The following NT5C1B variants were observed in gnomAD, a reference collection of about 807,000 sequenced individuals.
NT5C1B encodes 5'-nucleotidase, cytosolic IB.
NT5C1B carries 44 observed loss-of-function variants against 57.8 expected under a neutral mutation model. The ratio of observed to expected loss-of-function variants is 0.76; its 90% CI spans 0.60 to 0.98. The LOEUF (loss-of-function observed/expected upper bound fraction) is 0.98. Ranked by LOEUF, NT5C1B falls within the 50% of genes least tolerant of loss-of-function variation. The pLI, the probability that NT5C1B is intolerant of heterozygous loss-of-function variation, is 0.00. For synonymous variants in NT5C1B, 284 were observed against 282.6 expected (o/e 1.00, Z -0.05); for missense variants, 742 against 719.5 (o/e 1.03, Z -0.36).
At chr2:18,567,235 C>T (rs1333612129) in intron 8 of NT5C1B, among the ~76,000 whole-genome samples, 1 of 152,180 alleles carries the variant, frequency 6.6e-6, no homozygotes, top group Non-Finnish European at 1.5e-5. Context: ...AAGACTAAAA[C>T]TCCCCCTAGT....
rs180898034 is a variant in NT5C1B, at chr2:18,587,254, C to T, written c.120+249G>A. 5.1e-5 allele frequency: 77 copies of T among 1,514,578 alleles called. 1 individual carries two copies. The South Asian group carries it at 5.2e-4, about 10-fold the overall frequency. 93.8% of individuals were successfully genotyped at this position (1,514,578 alleles called of 1,614,324 possible). On this transcript the variant is annotated intron_variant, in intron 2 of 8. Transcript: ENST00000304081. ...GATTTGAACAAAGACCAGTCTCCCC[C>T]CTGTGTAGGCTGAGCAGAGGAGCCT...
rs1665654337 is a variant in NT5C1B, at chr2:18,576,180, C to T, written c.1329+4G>A. 1 of 1,603,132 alleles carries T rather than the reference C, an allele frequency of 6.2e-7. No homozygotes were observed. The highest frequency in any genetic ancestry group is 1.1e-5 in the South Asian group (1 of 88,150). On this transcript the variant is annotated splice_donor_region_variant and intron_variant, in intron 8 of 8. Transcript: ENST00000304081. ...AAAAATTAATTAGCACTCATTGAAC[C>T]TACCTGAGCAAGAGGCTTACTTTCA...
chr2:18,565,636 A>G (rs1397565586), intron 8 of NT5C1B, among the ~76,000 whole-genome samples: 1 of 152,184 alleles, frequency 6.6e-6, no homozygotes, highest in Non-Finnish European at 1.5e-5. Flanking sequence ...TTTGAAGCCC[A>G]GTAATTTCAC....
chr2:18,563,290 T>C (rs1268710697), exon 9 of NT5C1B: 4 of 152,296 alleles, frequency 2.6e-5, no homozygotes, highest in Non-Finnish European at 2.9e-5. Flanking sequence ...GTTATACTCA[T>C]GCAGGTAGAG....
At chr2:18,564,199 A>G in intron 8 of NT5C1B, 80 bp from the exon 9 acceptor site, 1 of 1,447,256 alleles carries the variant, frequency 6.9e-7, no homozygotes, top group Non-Finnish European at 9.2e-7. Context: ...CCTATATGAT[A>G]CGATACAATA....
chr2:18,582,417 A>G (rs1666259963), intron 6 of NT5C1B, among the ~76,000 whole-genome samples: 1 of 152,216 alleles, frequency 6.6e-6, no homozygotes, highest in South Asian at 2.1e-4. Flanking sequence ...TTCTATGTAA[A>G]TTATTTTATG....
intron 2 of NT5C1B, chr2:18,587,079 G>C: frequency 6.2e-7 from 1 of 1,614,020 alleles, no homozygotes. Flanking sequence ...GCCAAGGGCT[G>C]TTCCCTCAGC....
chr2:18,572,119 T>TACAATAATCAAG, intron 8 of NT5C1B, among the ~76,000 whole-genome samples: 1 of 145,558 alleles, frequency 6.9e-6, no homozygotes, highest in Non-Finnish European at 1.5e-5. Flanking sequence ...ACTATAAAAC[T>TACAATAATCAAG]ACAATAATCA....
chr2:18,574,233 A>AGTAAG (rs1665467372), intron 8 of NT5C1B, among the ~76,000 whole-genome samples: 1 of 152,086 alleles, frequency 6.6e-6, no homozygotes, highest in African/African-American at 2.4e-5. Context: ...TCAACACATT[A>AGTAAG]ATCATCAGAG....
At chr2:18,571,160 G>T (rs879321851) in intron 8 of NT5C1B, among the ~76,000 whole-genome samples, 1 of 152,148 alleles carries the variant, frequency 6.6e-6, no homozygotes, top group Admixed American at 6.5e-5. Flanking sequence ...TCTGAACATT[G>T]TACTGGATGT....
intron 6 of NT5C1B, among the ~76,000 whole-genome samples, chr2:18,578,178 A>G (rs954096841): frequency 4.6e-5 from 7 of 152,176 alleles, no homozygotes; most frequent in African/African-American, 1.2e-4. Flanking sequence ...TCCTCAGCCA[A>G]ATTTTACCAG....
chr2:18,563,993 C>T (rs965387111), exon 9 of NT5C1B: 9 of 1,614,154 alleles, frequency 5.6e-6, no homozygotes, highest in African/African-American at 4.0e-5. Flanking sequence ...AGCACACGGG[C>T]GCCTGAACTG....
At chr2:18,575,225 T>G (rs191483979) in intron 8 of NT5C1B, among the ~76,000 whole-genome samples, 17 of 152,190 alleles carry the variant, frequency 1.1e-4, no homozygotes, top group African/African-American at 3.4e-4. Context: ...AGAATTTTCT[T>G]AATAGTAAGC....
At chr2:18,568,150 G>A (rs1331218022) in intron 8 of NT5C1B, among the ~76,000 whole-genome samples, 2 of 147,472 alleles carry the variant, frequency 1.4e-5, no homozygotes, top group Non-Finnish European at 3.0e-5. Flanking sequence ...CAAACCAAAG[G>A]AAATATAGAC....
At chr2:18,576,413 A>AGTT in intron 7 of NT5C1B, 45 bp from the exon 8 acceptor site, 1 of 1,566,180 alleles carries the variant, frequency 6.4e-7, no homozygotes, top group African/African-American at 1.4e-5. Flanking sequence ...CAGGTCCATG[A>AGTT]GTTATAGTTT....
intron 7 of NT5C1B, 25 bp from the exon 8 acceptor site, chr2:18,576,393 A>G (rs995323021): frequency 5.6e-6 from 9 of 1,600,254 alleles, no homozygotes; most frequent in Non-Finnish European, 7.7e-6. Flanking sequence ...AGACTGATTA[A>G]TACTCTTCTC....
chr2:18,584,604 C>T lies in NT5C1B; in HGVS notation c.633G>A (p.Gln211=). The stretch of plus-strand genomic sequence containing the variant: ...CCTCGTAGTCGTCCTCGTCCTCCCG[C>T]TGCTGCTGCTGCTGCTCGGACAGAG... Residue 211 remains glutamine, a synonymous_variant, in exon 4 of 9, where the codon CAG becomes CAA. Transcript: ENST00000304081. This position sits in a 1 kb window ranked among gnomAD's most constrained non-coding sequence, Gnocchi z 5.8. 1 of 1,594,940 alleles carries T rather than the reference C, an allele frequency of 6.3e-7. No homozygotes were observed. Among genetic ancestry groups the T allele is most frequent in the South Asian group, 1.1e-5 (1 of 88,790 alleles).
chr2:18,564,240 G>T, intron 8 of NT5C1B, 121 bp from the exon 9 acceptor site: 1 of 1,130,554 alleles, frequency 8.8e-7, no homozygotes, highest in Non-Finnish European at 1.2e-6. Flanking sequence ...GACATGCAGT[G>T]TTATGAAGCT....
chr2:18,563,552 A>G (rs1664363433), exon 9 of NT5C1B: 1 of 359,870 alleles, frequency 2.8e-6, no homozygotes, highest in East Asian at 4.3e-5. Context: ...CTAAAGAGTC[A>G]TCATTATGAC....
Sources: allele counts gnomAD v4.1 joint callset (sites outside exome capture counted in the v4.1 genomes callset), GRCh38; gene constraint gnomAD v4.1.1; non-coding constraint Gnocchi (gnomAD v3.1); transcripts MANE v1.5; gene names NCBI Gene and HGNC (gene_info 2026-07-23, HGNC 2026-07-21).